Variants in ADAM12 observed in about 807,000 individuals in gnomAD.
The protein encoded by ADAM12 is ADAM metallopeptidase domain 12.
Under a neutral mutation model 106.4 loss-of-function variants are expected in ADAM12, and 70 were observed. The ratio of observed to expected loss-of-function variants is 0.66; its 90% CI spans 0.54 to 0.80. ADAM12 has a LOEUF of 0.80. ADAM12 is among the 30% of genes least tolerant of loss of function. The pLI is 0.00. For missense variants in ADAM12, 1,010 were observed against 1,171.9 expected (o/e 0.86, Z 2.02); for synonymous variants, 420 against 433.5 (o/e 0.97, Z 0.39).
intron 14 of ADAM12, among the ~76,000 whole-genome samples, chr10:126,061,440 C>T (rs1364007162): frequency 2.0e-5 from 3 of 152,206 alleles, no homozygotes; most frequent in Middle Eastern, 3.2e-3. Context: ...ATGCCTGTGG[C>T]TCCCCTAAAA....
intron 3 of ADAM12, among the ~76,000 whole-genome samples, chr10:126,248,856 C>T (rs1035906625): frequency 6.6e-6 from 1 of 151,964 alleles, no homozygotes; most frequent in Non-Finnish European, 1.5e-5. Context: ...CAGACAGGCG[C>T]CATCGTACCT....
intron 3 of ADAM12, among the ~76,000 whole-genome samples, chr10:126,211,434 GGAGA>G (rs1467524100): frequency 1.3e-5 from 2 of 152,214 alleles, no homozygotes; most frequent in African/African-American, 4.8e-5. Context: ...TATTCTCAAA[GGAGA>G]AAGAACTTAA....
intron 2 of ADAM12, among the ~76,000 whole-genome samples, chr10:126,304,668 T>C (rs1242774491): frequency 6.6e-6 from 1 of 151,876 alleles, no homozygotes; most frequent in Non-Finnish European, 1.5e-5. Context: ...ATTAAGAAAA[T>C]ATAAAGTTAA....
chr10:126,280,130 A>G (rs1959497258), intron 2 of ADAM12, among the ~76,000 whole-genome samples: 1 of 152,204 alleles, frequency 6.6e-6, no homozygotes, highest in Non-Finnish European at 1.5e-5. Context: ...GATGAAATGG[A>G]TTGTGGGTTC....
At position 126,373,354 on chromosome 10, in the gene ADAM12, C is replaced by T. The variant is rs180939608; in HGVS notation, c.88+14704G>A. ...GAGATGGGAACAGCTGATGGCTTCA[C>T]CCCCAAAGCTCAGCTTGGCCCCATC... On this transcript the variant is annotated intron_variant, in intron 1 of 22. Transcript: ENST00000448723. Among the ~76,000 whole-genome samples, 204 of 152,270 alleles carry T rather than the reference C, an allele frequency of 1.3e-3. 1 individual carries two copies. The highest frequency in any genetic ancestry group is 7.4e-5 in the Non-Finnish European group (5 of 68,022).
At chr10:126,362,457 C>T (rs1298269067) in intron 1 of ADAM12, among the ~76,000 whole-genome samples, 1 of 151,956 alleles carries the variant, frequency 6.6e-6, no homozygotes, top group Non-Finnish European at 1.5e-5. Flanking sequence ...GGTATTTACC[C>T]AAAAGATTTG....
intron 2 of ADAM12, among the ~76,000 whole-genome samples, chr10:126,288,779 G>T (rs1210355716): frequency 6.6e-6 from 1 of 151,328 alleles, no homozygotes; most frequent in African/African-American, 2.4e-5. Flanking sequence ...ACTATGTGGT[G>T]GTACAGTGAC....
chr10:126,337,028 G>A (rs1343780076), intron 1 of ADAM12, among the ~76,000 whole-genome samples: 1 of 152,204 alleles, frequency 6.6e-6, no homozygotes, highest in African/African-American at 2.4e-5. Flanking sequence ...CATGTACATG[G>A]TGTATTACTC....
chr10:126,135,350 G>A, intron 5 of ADAM12: 1 of 515,204 alleles, frequency 1.9e-6, no homozygotes. Flanking sequence ...TACCCCACCA[G>A]GCCTGAGGAT....
chr10:126,089,512 C>G (rs1427316322), intron 11 of ADAM12, among the ~76,000 whole-genome samples: 2 of 152,168 alleles, frequency 1.3e-5, no homozygotes, highest in African/African-American at 2.4e-5. Flanking sequence ...CTTAACTTGG[C>G]AAACTACAAT....
In ADAM12 at chr10:126,178,862, C is replaced by T. The variant is rs150173825; in HGVS notation, c.261-23557G>A. ...AGGAGTTCAAGACCAGCCTGGCCAA[C>T]GTGGTGAAACCCCATCTCTATTAAA... On this transcript the variant is annotated intron_variant, in intron 3 of 22. Coordinates refer to ENST00000448723, the MANE Select transcript of ADAM12 (RefSeq NM_001288973.2). Among the ~76,000 whole-genome samples the T allele has an allele frequency of 4.8e-3, 735 of 152,142 alleles. 6 individuals carry two copies. Among genetic ancestry groups the T allele is most frequent in the African/African-American group, 0.014 (599 of 41,522 alleles).
rs759298284 is a variant in ADAM12 at position 126,016,419 on chromosome 10, T to C, written c.*860A>G. 1 of 152,210 alleles carries C rather than the reference T, an allele frequency of 6.6e-6. No homozygotes were observed. The highest frequency in any genetic ancestry group is 1.5e-5 in the Non-Finnish European group (1 of 68,064). The allele number at this position is 152,210 out of a possible 1,614,324, so 9.4% of individuals were successfully genotyped here. A position where few individuals can be genotyped will look rare whatever the true frequency, so the allele number is the denominator to read the frequency against. On this transcript the variant is annotated 3_prime_UTR_variant, in exon 23 of 23. Transcript: ENST00000448723. Reference sequence around the variant, plus strand: ...TAGGGAGGTGGCGGTTTGCAGTGCCTGGGCAGTAGGTTTCTTACAGAAACA... The same window carrying C: ...TAGGGAGGTGGCGGTTTGCAGTGCCCGGGCAGTAGGTTTCTTACAGAAACA...
intron 2 of ADAM12, among the ~76,000 whole-genome samples, chr10:126,313,401 A>T (rs1961202732): frequency 6.6e-6 from 1 of 152,232 alleles, no homozygotes; most frequent in Non-Finnish European, 1.5e-5. Flanking sequence ...AAGGGCAAGG[A>T]TCACCTTGGA....
At chr10:126,245,959 G>C (rs1299848250) in intron 3 of ADAM12, among the ~76,000 whole-genome samples, 1 of 152,168 alleles carries the variant, frequency 6.6e-6, no homozygotes, top group Non-Finnish European at 1.5e-5. Context: ...ACTGGGAATG[G>C]ATGGATGAAC....
intron 1 of ADAM12, among the ~76,000 whole-genome samples, chr10:126,368,032 C>G (rs975706350): frequency 1.3e-5 from 2 of 151,758 alleles, no homozygotes; most frequent in African/African-American, 4.8e-5. Flanking sequence ...AGGTAATAAA[C>G]CCAGATCTGT....
At chr10:126,144,557 T>C (rs114902605) in intron 4 of ADAM12, among the ~76,000 whole-genome samples, 2,274 of 152,280 alleles carry the variant, frequency 0.015, 59 homozygotes, top group African/African-American at 0.052. Context: ...GCTTATACCC[T>C]GTCACTTGGC....
intron 12 of ADAM12, among the ~76,000 whole-genome samples, chr10:126,071,125 A>G (rs1284423993): frequency 6.6e-6 from 1 of 152,210 alleles, no homozygotes; most frequent in Non-Finnish European, 1.5e-5. Flanking sequence ...ATGAAGAAAA[A>G]GAAATGGTGC....
At chr10:126,205,006 G>A (rs556360364) in intron 3 of ADAM12, among the ~76,000 whole-genome samples, 24 of 152,258 alleles carry the variant, frequency 1.6e-4, no homozygotes, top group African/African-American at 5.3e-4. Flanking sequence ...GGCACCTGAC[G>A]GAAGCCAGGC....
At chr10:126,070,887 A>C (rs1954974577) in intron 12 of ADAM12, among the ~76,000 whole-genome samples, 1 of 152,238 alleles carries the variant, frequency 6.6e-6, no homozygotes, top group South Asian at 2.1e-4. Flanking sequence ...CTATTAAAAC[A>C]AGGACATTTC....
Sources: allele counts gnomAD v4.1 joint callset (sites outside exome capture counted in the v4.1 genomes callset), GRCh38; gene constraint gnomAD v4.1.1; transcripts MANE v1.5; gene names NCBI Gene and HGNC (gene_info 2026-07-23, HGNC 2026-07-21).